Variants in DLGAP1 observed in about 807,000 individuals in gnomAD.
DLGAP1 encodes the protein DLG associated protein 1.
A neutral mutation model predicts 90.8 loss-of-function variants in DLGAP1; 11 were observed. The ratio of observed to expected loss-of-function variants is 0.12; its 90% CI spans 0.08 to 0.20. The LOEUF (loss-of-function observed/expected upper bound fraction) is 0.20, where lower values mean the gene tolerates loss of function less well. Among genes scored for constraint, DLGAP1 ranks in the 10% least tolerant of loss-of-function variants. The probability of loss-of-function intolerance (pLI) is 1.00; values close to 1 mark genes in which losing one functional copy is unlikely to be tolerated. For missense variants in DLGAP1, 1,050 were observed against 1,333.8 expected, an observed-to-expected ratio of 0.79 and a Z score of 3.31; for synonymous variants, 558 against 540.7, an observed-to-expected ratio of 1.03 and a Z score of -0.44.
chr18:4,221,347 A>G (rs564533529), intron 1 of DLGAP1, among the ~76,000 whole-genome samples: 2 of 152,160 alleles, frequency 1.3e-5, no homozygotes, highest in African/African-American at 2.4e-5. Flanking sequence ...CATTTACAAT[A>G]AAAATAATCA....
chr18:3,921,397 A>G (rs1196702098), intron 3 of DLGAP1, among the ~76,000 whole-genome samples: 1 of 152,180 alleles, frequency 6.6e-6, no homozygotes, highest in Non-Finnish European at 1.5e-5. Flanking sequence ...TAGTGCCTGC[A>G]GTATCTACAC....
intron 1 of DLGAP1, among the ~76,000 whole-genome samples, chr18:4,169,179 G>A (rs190657432): frequency 6.6e-6 from 1 of 152,210 alleles, no homozygotes; most frequent in East Asian, 1.9e-4. Context: ...CAATGCACAA[G>A]ACTTTGAATT....
rs1435003152 is a variant in DLGAP1, at chr18:3,653,965, C to CCACT, written c.1592-71721_1592-71718dup. On this transcript the variant is annotated intron_variant, in intron 7 of 12. Transcript: ENST00000315677. The surrounding 1 kb of genome is among the most constrained non-coding windows in gnomAD (Gnocchi z 4.6). Reference sequence around the variant, plus strand: ...CAAGAGATAGTGTCCGACACACGTGCCACTGAGCATGCTTGTAAGAGTTCC... The same window carrying CCACT: ...CAAGAGATAGTGTCCGACACACGTGCCACTCACTGAGCATGCTTGTAAGAGTTCC... 1 of 152,116 alleles carries CCACT rather than the reference C, an allele frequency of 6.6e-6. No individual in the cohort carries two copies. Among genetic ancestry groups the CCACT allele is most frequent in the African/African-American group, 2.4e-5 (1 of 41,360 alleles). 9.4% of individuals were successfully genotyped at this position (152,116 alleles called of 1,614,324 possible). A position where few individuals can be genotyped will look rare whatever the true frequency, so the allele number is the denominator to read the frequency against.
chr18:3,867,687 G>A (rs1296451508), intron 4 of DLGAP1, among the ~76,000 whole-genome samples: 1 of 152,122 alleles, frequency 6.6e-6, no homozygotes, highest in East Asian at 1.9e-4. Context: ...AAATGGGGAT[G>A]GGGAAAATCA....
At chr18:4,059,953 C>T (rs989555661) in intron 2 of DLGAP1, among the ~76,000 whole-genome samples, 1 of 152,132 alleles carries the variant, frequency 6.6e-6, no homozygotes, top group African/African-American at 2.4e-5. Context: ...GAATACCCTC[C>T]CAGGTAATGG....
At chr18:3,536,425 A>G (rs553964172) in intron 9 of DLGAP1, among the ~76,000 whole-genome samples, 89 of 151,930 alleles carry the variant, frequency 5.9e-4, no homozygotes, top group African/African-American at 2.0e-3. Context: ...GGTTTTGCCA[A>G]GTTGGCCAGG....
intron 8 of DLGAP1, among the ~76,000 whole-genome samples, chr18:3,569,067 A>G (rs2145156199): frequency 6.6e-6 from 1 of 151,492 alleles, no homozygotes; most frequent in African/African-American, 2.4e-5. Flanking sequence ...CAGTGGCGCA[A>G]TCTCAGCTCC....
At chr18:3,801,873 T>G (rs2066310851) in intron 5 of DLGAP1, among the ~76,000 whole-genome samples, 1 of 152,184 alleles carries the variant, frequency 6.6e-6, no homozygotes, top group African/African-American at 2.4e-5. Flanking sequence ...TATATACTCA[T>G]GTAAATAATA....
At chr18:3,814,732 C>A (rs1330125261) in intron 4 of DLGAP1, among the ~76,000 whole-genome samples, 1 of 152,152 alleles carries the variant, frequency 6.6e-6, no homozygotes, top group Non-Finnish European at 1.5e-5. Flanking sequence ...GTGTAATAAT[C>A]ACATCAGGGT....
chr18:4,354,378 A>G (rs1226876938), intron 1 of DLGAP1, among the ~76,000 whole-genome samples: 1 of 152,160 alleles, frequency 6.6e-6, no homozygotes, highest in Admixed American at 6.5e-5. Context: ...CAAACCCAGG[A>G]AGACGGAATG....
At chr18:3,685,906 G>C (rs1050148081) in intron 7 of DLGAP1, among the ~76,000 whole-genome samples, 1 of 152,212 alleles carries the variant, frequency 6.6e-6, no homozygotes, top group African/African-American at 2.4e-5. Context: ...GGAGGCAGTG[G>C]CTCATGCCTG....
At chr18:3,748,211 TA>T (rs2063351807) in intron 5 of DLGAP1, among the ~76,000 whole-genome samples, 1 of 152,210 alleles carries the variant, frequency 6.6e-6, no homozygotes, top group Admixed American at 6.5e-5. Flanking sequence ...ATCATGACTT[TA>T]AAGTACAACC....
intron 2 of DLGAP1, among the ~76,000 whole-genome samples, chr18:4,102,057 A>C (rs1193082574): frequency 2.0e-5 from 3 of 152,172 alleles, no homozygotes; most frequent in Non-Finnish European, 4.4e-5. Context: ...GGAGCCATAT[A>C]TATATGCTTT....
intron 5 of DLGAP1, among the ~76,000 whole-genome samples, chr18:3,807,030 C>A (rs764619656): frequency 6.6e-6 from 1 of 152,194 alleles, no homozygotes; most frequent in Non-Finnish European, 1.5e-5. Flanking sequence ...TGTCAGCCAG[C>A]GCCTTCTGCA....
chr18:3,631,196 C>T (rs1247328742), intron 7 of DLGAP1, among the ~76,000 whole-genome samples: 1 of 151,604 alleles, frequency 6.6e-6, no homozygotes, highest in Non-Finnish European at 1.5e-5. Flanking sequence ...GTTGGTCAGG[C>T]TAGCCTTGAA....
At chr18:4,255,285 C>T (rs1055971695) in intron 1 of DLGAP1, among the ~76,000 whole-genome samples, 1 of 152,068 alleles carries the variant, frequency 6.6e-6, no homozygotes, top group Admixed American at 6.6e-5. Context: ...TTTCATTAGT[C>T]CTAAGTGGCA....
intron 3 of DLGAP1, among the ~76,000 whole-genome samples, chr18:3,971,972 TA>T (rs1484094707): frequency 6.6e-6 from 1 of 152,172 alleles, no homozygotes; most frequent in African/African-American, 2.4e-5. Context: ...GTGAATTAAC[TA>T]AGGGAAGACT....
chr18:4,417,675 G>C (rs538444277), intron 1 of DLGAP1, among the ~76,000 whole-genome samples: 1 of 152,090 alleles, frequency 6.6e-6, no homozygotes, highest in South Asian at 2.1e-4. Context: ...GCCTCTCTTG[G>C]GCACAGGAAA....
intron 2 of DLGAP1, among the ~76,000 whole-genome samples, chr18:4,045,145 G>A (rs1598296523): frequency 1.3e-5 from 2 of 151,860 alleles, no homozygotes; most frequent in South Asian, 2.1e-4. Flanking sequence ...CCTCCACGCC[G>A]AGCCACTCTC....
Sources: allele counts gnomAD v4.1 joint callset (sites outside exome capture counted in the v4.1 genomes callset), GRCh38; gene constraint gnomAD v4.1.1; non-coding constraint Gnocchi (gnomAD v3.1); transcripts MANE v1.5; gene names NCBI Gene and HGNC (gene_info 2026-07-23, HGNC 2026-07-21).